Variants in MAP2 observed in about 807,000 individuals in gnomAD.
MAP2 encodes the protein microtubule-associated protein 2.
In MAP2, 14 loss-of-function variants were observed where a neutral mutation model predicts 137.6. The ratio of observed to expected loss-of-function variants is 0.10; its 90% CI spans 0.07 to 0.16. The LOEUF (loss-of-function observed/expected upper bound fraction) is 0.16, where lower values mean the gene tolerates loss of function less well. MAP2 is among the 10% of genes least tolerant of loss of function. MAP2 has a pLI of 1.00. For synonymous variants in MAP2, 786 were observed against 782.3 expected, an observed-to-expected ratio of 1.00 and a Z score of -0.08; for missense variants, 2,088 against 2,191.5, an observed-to-expected ratio of 0.95 and a Z score of 0.94.
chr2:209,703,507 C>T (rs142369525), intron 11 of MAP2, among the ~76,000 whole-genome samples: 178 of 152,020 alleles, frequency 1.2e-3, no homozygotes, highest in African/African-American at 3.9e-3. Flanking sequence ...AGACTATATA[C>T]GTAGAATCCA....
intron 4 of MAP2, among the ~76,000 whole-genome samples, chr2:209,637,730 A>C (rs1427789109): frequency 2.0e-5 from 3 of 151,982 alleles, no homozygotes; most frequent in African/African-American, 7.2e-5. Flanking sequence ...GTTATGATGA[A>C]ATGTTAAACA....
chr2:209,676,411 AG>A (rs2153677304), intron 5 of MAP2, among the ~76,000 whole-genome samples: 1 of 151,896 alleles, frequency 6.6e-6, no homozygotes, highest in East Asian at 1.9e-4. Flanking sequence ...GAAGAGGGAG[AG>A]GATCAGGAAA....
At chr2:209,426,226 C>A (rs1478888828) in intron 1 of MAP2, among the ~76,000 whole-genome samples, 1 of 151,912 alleles carries the variant, frequency 6.6e-6, no homozygotes, top group Non-Finnish European at 1.5e-5. Context: ...ATTTAATGTC[C>A]AAAGTTTTCT....
chr2:209,476,695 C>T (rs987484579), intron 1 of MAP2, among the ~76,000 whole-genome samples: 3 of 152,146 alleles, frequency 2.0e-5, no homozygotes, highest in African/African-American at 7.2e-5. Context: ...GGTGCACATT[C>T]AGGCCTTAAT....
At chr2:209,616,844 C>A (rs1358953898) in intron 3 of MAP2, among the ~76,000 whole-genome samples, 1 of 152,158 alleles carries the variant, frequency 6.6e-6, no homozygotes, top group Non-Finnish European at 1.5e-5. Flanking sequence ...AAGAACACCA[C>A]AGGCTGGGGG....
Position 209,486,487 on chromosome 2 carries a change from G to T in MAP2, c.-221-21105G>T, listed in dbSNP as rs187499610. The stretch of plus-strand genomic sequence containing the variant: ...TCCACCCGCCTCAGCCTCCCAAAGT[G>T]CTGGGATTACGGGCATGAGCCGCCA... On this transcript the variant is annotated intron_variant, in intron 1 of 15. Transcript: ENST00000682079. Among the ~76,000 whole-genome samples the T allele has an allele frequency of 1.7e-3, 266 of 152,242 alleles. 1 individual carries two copies. Among genetic ancestry groups the T allele is most frequent in the African/African-American group, 6.2e-3 (256 of 41,542 alleles).
chr2:209,434,962 C>T (rs1695547780), intron 1 of MAP2, among the ~76,000 whole-genome samples: 1 of 128,308 alleles, frequency 7.8e-6, no homozygotes, highest in Non-Finnish European at 1.6e-5. Flanking sequence ...ATATATAAAG[C>T]AAATCAACAA....
At chr2:209,607,779 A>G (rs972746271) in intron 3 of MAP2, among the ~76,000 whole-genome samples, 14 of 152,126 alleles carry the variant, frequency 9.2e-5, no homozygotes, top group Non-Finnish European at 1.3e-4. Flanking sequence ...GGTGTGCACT[A>G]TTGCTGGATC....
chr2:209,698,095 G>T (rs11677975), intron 10 of MAP2, among the ~76,000 whole-genome samples: 18,034 of 151,380 alleles, frequency 0.12, 1,389 homozygotes, highest in East Asian at 0.23. Context: ...TGATCCACCT[G>T]CCTCAGCCTC....
At position 209,608,713 on chromosome 2, in the gene MAP2, A is replaced by G. The variant is rs907398889; in HGVS notation, c.-106-16340A>G. Among the ~76,000 whole-genome samples, 3 of 152,114 alleles carry G rather than the reference A, an allele frequency of 2.0e-5. No individual in the cohort carries two copies. The East Asian group carries it at 5.8e-4, about 29-fold the overall frequency. On this transcript the variant is annotated intron_variant, in intron 3 of 15. Coordinates refer to ENST00000682079, the MANE Select transcript of MAP2 (RefSeq NM_001375505.1). ...TATCTTAGCCTAAAACCTCCAAGAAATTCTTCTGTATGCTGAAATAAATAT... is the reference window on the plus strand; with the variant it reads ...TATCTTAGCCTAAAACCTCCAAGAAGTTCTTCTGTATGCTGAAATAAATAT...
intron 1 of MAP2, among the ~76,000 whole-genome samples, chr2:209,459,607 G>A (rs1489837072): frequency 6.6e-6 from 1 of 152,118 alleles, no homozygotes; most frequent in Non-Finnish European, 1.5e-5. Flanking sequence ...TAATTCTTTT[G>A]TCCTGATTTC....
chr2:209,653,177 G>A lies in MAP2; in HGVS notation c.7G>A (p.Asp3Asn). MA[D>N]ERKDEAKAPH... is the part of the protein sequence containing the mutation. ...AATAACAAGGCATTGAAGAATGGCA[G>A]ATGAACGGAAAGATGAAGCAAAGGC... Residue 3 changes from aspartate (D) to asparagine (N), a missense_variant, in exon 5 of 16, where the codon GAT (aspartate) becomes AAT (asparagine). By Grantham distance (23) the Asp-to-Asn change is conservative (BLOSUM62 1). Transcript: ENST00000682079. 1 of 1,594,728 alleles carries A rather than the reference G, an allele frequency of 6.3e-7. No individual in the cohort carries two copies. The highest frequency in any genetic ancestry group is 8.5e-7 in the Non-Finnish European group (1 of 1,172,024).
chr2:209,700,775 C>T lies in MAP2; in HGVS notation c.4584+437C>T, dbSNP rs188806305. Among the ~76,000 whole-genome samples the T allele has an allele frequency of 3.3e-4, 50 of 152,216 alleles. No homozygotes were observed. The East Asian group carries it at 7.7e-3, about 23-fold the overall frequency. ...AGAAGTAGAAATCAATTATAATCCT[C>T]TTATCATAAAGATAAACACAGCTAT... On this transcript the variant is annotated intron_variant, in intron 11 of 15. Transcript: ENST00000682079.
intron 13 of MAP2, among the ~76,000 whole-genome samples, chr2:209,714,245 T>C (rs2066635471): frequency 6.6e-6 from 1 of 152,166 alleles, no homozygotes; most frequent in Non-Finnish European, 1.5e-5. Context: ...ACAAGTTATA[T>C]GCGCTTGTAA....
intron 3 of MAP2, among the ~76,000 whole-genome samples, chr2:209,613,233 C>G (rs1371415169): frequency 6.7e-6 from 1 of 148,580 alleles, no homozygotes; most frequent in East Asian, 1.9e-4. Context: ...AGTCTCTTAA[C>G]GTGTTTTTTA....
chr2:209,492,953 C>T (rs988554119), intron 1 of MAP2, among the ~76,000 whole-genome samples: 3 of 151,994 alleles, frequency 2.0e-5, no homozygotes, highest in African/African-American at 7.2e-5. Flanking sequence ...AAATTTCATA[C>T]AGAACCAAAA....
At chr2:209,712,904 T>C (rs1335821550) in intron 13 of MAP2, among the ~76,000 whole-genome samples, 1 of 152,176 alleles carries the variant, frequency 6.6e-6, no homozygotes, top group East Asian at 1.9e-4. Flanking sequence ...ACTAGCACAT[T>C]GTTCTCAATT....
intron 2 of MAP2, among the ~76,000 whole-genome samples, chr2:209,523,228 C>T (rs955185875): frequency 1.3e-5 from 2 of 152,120 alleles, no homozygotes; most frequent in African/African-American, 4.8e-5. Flanking sequence ...TCTCTCATGG[C>T]ATTTCGCTTT....
At chr2:209,617,422 G>A (rs1431926030) in intron 3 of MAP2, among the ~76,000 whole-genome samples, 1 of 152,146 alleles carries the variant, frequency 6.6e-6, no homozygotes, top group East Asian at 1.9e-4. Context: ...ATCAAAGCTG[G>A]AGGATAAGAA....
Sources: gnomAD v4.1 joint callset for allele counts (sites outside exome capture counted in the v4.1 genomes callset) on GRCh38, gnomAD v4.1.1 for gene constraint, MANE v1.5 for transcripts, NCBI Gene and HGNC (gene_info 2026-07-23, HGNC 2026-07-21) for gene names.